Variants in SKAP1 observed in about 807,000 individuals in gnomAD.
SKAP1 encodes src kinase-associated phosphoprotein 1.
A neutral mutation model predicts 58.5 loss-of-function variants in SKAP1; 44 were observed. The observed-to-expected ratio is 0.75, with a 90% CI of 0.59 to 0.97. The LOEUF (loss-of-function observed/expected upper bound fraction) is 0.97. SKAP1 is among the 50% of genes least tolerant of loss of function. The pLI, the probability that SKAP1 is intolerant of heterozygous loss-of-function variation, is 0.00. For missense variants in SKAP1, 390 were observed against 435.2 expected, an observed-to-expected ratio of 0.90 and a Z score of 0.92; for synonymous variants, 127 against 149.7, an observed-to-expected ratio of 0.85 and a Z score of 1.11.
intron 2 of SKAP1, among the ~76,000 whole-genome samples, chr17:48,379,806 T>C (rs1299042340): frequency 6.6e-6 from 1 of 151,696 alleles, no homozygotes; most frequent in African/African-American, 2.4e-5. Context: ...CTCGGCCTCC[T>C]GAGTAGCTGG....
chr17:48,268,741 C>T (rs564725943), intron 4 of SKAP1, among the ~76,000 whole-genome samples: 3 of 152,234 alleles, frequency 2.0e-5, no homozygotes, highest in South Asian at 4.2e-4. Context: ...ATCTACCCGC[C>T]TCAGCCTCCC....
At chr17:48,412,197 A>T (rs1192691423) in intron 1 of SKAP1, among the ~76,000 whole-genome samples, 1 of 152,070 alleles carries the variant, frequency 6.6e-6, no homozygotes. Context: ...TTTTGCAAAT[A>T]AAAAAAAGAT....
intron 4 of SKAP1, among the ~76,000 whole-genome samples, chr17:48,198,946 T>C (rs1025601550): frequency 2.0e-5 from 3 of 152,202 alleles, no homozygotes; most frequent in Non-Finnish European, 4.4e-5. Context: ...GAAGAGGATT[T>C]TAAAATGCCA....
chr17:48,390,247 CACAA>C (rs545114022), intron 2 of SKAP1, among the ~76,000 whole-genome samples: 1 of 152,118 alleles, frequency 6.6e-6, no homozygotes, highest in Non-Finnish European at 1.5e-5. Context: ...TCCTGGAATC[CACAA>C]ACAGATAAAT....
chr17:48,153,684 C>G lies in SKAP1; in HGVS notation c.978+8785G>C, dbSNP rs1020252154. ...TGATTAGGTCAGAGGTGCATAATAG[C>G]TCTTTGACAGGCATTGATCAGTTTC... On this transcript the variant is annotated intron_variant, in intron 11 of 12. Transcript: ENST00000336915. 2.6e-5 allele frequency among the ~76,000 whole-genome samples: 4 copies of G among 151,932 alleles called. No homozygotes were observed. The South Asian group carries it at 8.3e-4, about 32-fold the overall frequency.
intron 9 of SKAP1, among the ~76,000 whole-genome samples, chr17:48,178,384 C>T (rs1338568164): frequency 6.6e-6 from 1 of 152,116 alleles, no homozygotes; most frequent in Non-Finnish European, 1.5e-5. Flanking sequence ...CCGGATATTT[C>T]CCCAAGCCTG....
At chr17:48,346,090 T>C in intron 3 of SKAP1, 84 bp from the exon 4 acceptor site, 1 of 738,480 alleles carries the variant, frequency 1.4e-6, no homozygotes, top group Non-Finnish European at 2.1e-6. Context: ...GATCTATGTA[T>C]GATCTCTTCC....
chr17:48,380,465 T>C (rs1328211855), intron 2 of SKAP1: 1 of 152,188 alleles, frequency 6.6e-6, no homozygotes, highest in Non-Finnish European at 1.5e-5. Context: ...GGTATTCTGA[T>C]AAAGATTTGT....
chr17:48,180,924 G>A (rs2064359077), intron 8 of SKAP1, among the ~76,000 whole-genome samples: 1 of 152,180 alleles, frequency 6.6e-6, no homozygotes, highest in South Asian at 2.1e-4. Context: ...AGCCATTACA[G>A]CACTGGGGAG....
intron 4 of SKAP1, among the ~76,000 whole-genome samples, chr17:48,321,830 A>G (rs2066371860): frequency 6.6e-6 from 1 of 152,154 alleles, no homozygotes; most frequent in Non-Finnish European, 1.5e-5. Flanking sequence ...CCAAAATATG[A>G]ACCTGACTAA....
rs1019429873 is a variant in SKAP1, at chr17:48,363,772, G to T, written c.178+17C>A. 20 of 1,597,436 alleles carry T rather than the reference G, an allele frequency of 1.3e-5. No individual in the cohort carries two copies. Among genetic ancestry groups the T allele is most frequent in the Non-Finnish European group, 1.6e-5 (19 of 1,169,576 alleles). On this transcript the variant is annotated intron_variant, in intron 3 of 12. Coordinates refer to ENST00000336915, the MANE Select transcript of SKAP1 (RefSeq NM_003726.4). ...ACATTTTTAGCATAAAACCATACGTGGTCAAAGAGGACTCACCTTGGGGCT... is the reference window on the plus strand; with the variant it reads ...ACATTTTTAGCATAAAACCATACGTTGTCAAAGAGGACTCACCTTGGGGCT...
At chr17:48,355,179 T>A (rs1487530076) in intron 3 of SKAP1, among the ~76,000 whole-genome samples, 1 of 152,228 alleles carries the variant, frequency 6.6e-6, no homozygotes, top group East Asian at 1.9e-4. Flanking sequence ...AAATCTGAAG[T>A]TCTGTGAACT....
intron 4 of SKAP1, among the ~76,000 whole-genome samples, chr17:48,243,070 A>T (rs763147658): frequency 2.0e-5 from 3 of 152,224 alleles, no homozygotes; most frequent in Non-Finnish European, 4.4e-5. Context: ...TTGCAAATTG[A>T]CTATACCTGG....
intron 4 of SKAP1, among the ~76,000 whole-genome samples, chr17:48,310,424 C>T (rs1323436154): frequency 6.6e-6 from 1 of 152,192 alleles, no homozygotes; most frequent in African/African-American, 2.4e-5. Flanking sequence ...ATTCATCTCT[C>T]ATTCTCTCCC....
In SKAP1 at chr17:48,381,367, A is replaced by C. The variant is rs116940488; in HGVS notation, c.152+15313T>G. ...TCAACAGAATCACCCTTTGGTTCCC[A>C]AAAATGCCTAAACTTTATCACCTCT... On this transcript the variant is annotated intron_variant, in intron 2 of 12. Transcript: ENST00000336915. Among the ~76,000 whole-genome samples, 112 of 152,334 alleles carry C rather than the reference A, an allele frequency of 7.4e-4. No individual in the cohort carries two copies. The East Asian group carries it at 0.015, about 20-fold the overall frequency.
intron 4 of SKAP1, among the ~76,000 whole-genome samples, chr17:48,336,027 A>G (rs1230868038): frequency 1.3e-5 from 2 of 152,164 alleles, no homozygotes; most frequent in Non-Finnish European, 2.9e-5. Context: ...TCACTAAAGC[A>G]AAACAAAATA....
At chr17:48,435,617 C>G in the SKAP1 span, among the ~76,000 whole-genome samples, 4 of 152,308 alleles carry the variant, frequency 2.6e-5, no homozygotes, top group South Asian at 8.3e-4. Flanking sequence ...TTTCTAAAGT[C>G]GACCTGGGTT....
intron 2 of SKAP1, among the ~76,000 whole-genome samples, chr17:48,393,015 A>G (rs1476239569): frequency 6.6e-6 from 1 of 152,160 alleles, no homozygotes; most frequent in Non-Finnish European, 1.5e-5. Flanking sequence ...AGCACAGATC[A>G]CAACTGCTTC....
At chr17:48,184,665 C>T in intron 7 of SKAP1, 58 bp downstream of exon 7, 1 of 1,607,294 alleles carries the variant, frequency 6.2e-7, no homozygotes, top group Non-Finnish European at 8.5e-7. Context: ...GGCTCACATG[C>T]AATACAGAAG....
Sources: allele counts gnomAD v4.1 joint callset (sites outside exome capture counted in the v4.1 genomes callset), GRCh38; gene constraint gnomAD v4.1.1; transcripts MANE v1.5; gene names NCBI Gene and HGNC (gene_info 2026-07-23, HGNC 2026-07-21).